VWC2L: variants seen among roughly 807,000 people sequenced by gnomAD.
VWC2L encodes von Willebrand factor C domain-containing protein 2-like.
VWC2L carries 10 observed loss-of-function variants against 21.6 expected under a neutral mutation model. That is an observed-to-expected ratio of 0.46 (90% CI 0.29 to 0.78). VWC2L has a LOEUF of 0.78. Among genes scored for constraint, VWC2L ranks in the 30% least tolerant of loss-of-function variants. VWC2L has a pLI of 0.10. For missense variants in VWC2L, 209 were observed against 277.1 expected (o/e 0.75, Z 1.74); for synonymous variants, 96 against 94.3 (o/e 1.02, Z -0.10).
At chr2:214,466,059 C>T (rs1357248643) in intron 3 of VWC2L, among the ~76,000 whole-genome samples, 1 of 152,154 alleles carries the variant, frequency 6.6e-6, no homozygotes, top group Non-Finnish European at 1.5e-5. Context: ...TCTTCAGTGT[C>T]TCTTTCCTTG....
At chr2:214,475,569 G>A (rs1428971389) in intron 3 of VWC2L, among the ~76,000 whole-genome samples, 1 of 152,076 alleles carries the variant, frequency 6.6e-6, no homozygotes, top group Non-Finnish European at 1.5e-5. Context: ...GAGAGATTAT[G>A]GTGAAGACTA....
At chr2:214,442,506 G>A (rs1702775774) in intron 3 of VWC2L, among the ~76,000 whole-genome samples, 1 of 152,024 alleles carries the variant, frequency 6.6e-6, no homozygotes, top group Admixed American at 6.5e-5. Context: ...ATTGATAAAA[G>A]TTCTGAAAGA....
At chr2:214,501,721 CA>C (rs776608301) in intron 3 of VWC2L, among the ~76,000 whole-genome samples, 1,568 of 79,076 alleles carry the variant, frequency 0.02, 13 homozygotes, top group African/African-American at 0.064. Context: ...GACTCTGTCT[CA>C]AAAAAAAAAA....
intron 3 of VWC2L, among the ~76,000 whole-genome samples, chr2:214,553,601 T>C (rs1302148986): frequency 6.6e-6 from 1 of 152,126 alleles, no homozygotes; most frequent in Admixed American, 6.5e-5. Flanking sequence ...TCAGAGAGAA[T>C]AGATTGTAAA....
chr2:214,552,432 C>A (rs1039701901), intron 3 of VWC2L, among the ~76,000 whole-genome samples: 36 of 152,154 alleles, frequency 2.4e-4, no homozygotes, highest in African/African-American at 8.2e-4. Context: ...CCAATTTTAT[C>A]CCCACAATGA....
intron 3 of VWC2L, among the ~76,000 whole-genome samples, chr2:214,514,218 A>C (rs1256741267): frequency 6.6e-6 from 1 of 151,556 alleles, no homozygotes; most frequent in Admixed American, 6.6e-5. Context: ...TAGTCTCCCA[A>C]CTAAAATCAT....
At chr2:214,561,399 A>G (rs1689968291) in intron 3 of VWC2L, among the ~76,000 whole-genome samples, 1 of 152,186 alleles carries the variant, frequency 6.6e-6, no homozygotes, top group African/African-American at 2.4e-5. Context: ...TAGTAGAAAT[A>G]CTATGTGAGC....
chr2:214,533,035 T>C (rs1483492422), intron 3 of VWC2L, among the ~76,000 whole-genome samples: 1 of 151,880 alleles, frequency 6.6e-6, no homozygotes, highest in African/African-American at 2.4e-5. Flanking sequence ...ACTTCTTTTA[T>C]AGACTGAAAC....
chr2:214,522,673 T>C (rs575200755), intron 3 of VWC2L, among the ~76,000 whole-genome samples: 1 of 152,276 alleles, frequency 6.6e-6, no homozygotes, highest in Non-Finnish European at 1.5e-5. Flanking sequence ...GTCATTATAA[T>C]ATGTCTTTTG....
rs187415484 is a variant in VWC2L, at chr2:214,513,239, A to C, written c.521-62433A>C. 1.4e-4 allele frequency among the ~76,000 whole-genome samples: 22 copies of C among 152,238 alleles called. No homozygotes were observed. In the East Asian group the frequency reaches 4.1e-3, roughly 28 times the overall value. ...GAATGTCTCCTCAATCATTTCATGC[A>C]CTAGACCTTTCCCCTGACCTTCAAA... On this transcript the variant is annotated intron_variant, in intron 3 of 3. Coordinates refer to ENST00000312504, the MANE Select transcript of VWC2L (RefSeq NM_001080500.4).
chr2:214,439,425 A>G (rs1306777899), intron 3 of VWC2L, among the ~76,000 whole-genome samples: 2 of 151,984 alleles, frequency 1.3e-5, no homozygotes, highest in African/African-American at 4.8e-5. Context: ...TATGTCATAG[A>G]TTTTTAAAAA....
At chr2:214,471,932 C>T (rs1703315088) in intron 3 of VWC2L, among the ~76,000 whole-genome samples, 1 of 152,184 alleles carries the variant, frequency 6.6e-6, no homozygotes, top group African/African-American at 2.4e-5. Flanking sequence ...AGGGCACCTG[C>T]CTTTAGGCCT....
chr2:214,486,993 T>G (rs1295176620), intron 3 of VWC2L, among the ~76,000 whole-genome samples: 1 of 152,198 alleles, frequency 6.6e-6, no homozygotes, highest in Non-Finnish European at 1.5e-5. Context: ...CATGTTTAAA[T>G]GAAGTCATTA....
chr2:214,454,536 T>G (rs11685978), intron 3 of VWC2L, among the ~76,000 whole-genome samples: 23,305 of 149,626 alleles, frequency 0.16, 1,940 homozygotes, highest in East Asian at 0.26. Flanking sequence ...GTGTGTCTCT[T>G]GAGATAATCA....
At chr2:214,426,375 C>T (rs183334450) in intron 2 of VWC2L, among the ~76,000 whole-genome samples, 1 of 151,952 alleles carries the variant, frequency 6.6e-6, no homozygotes, top group East Asian at 1.9e-4. Context: ...AAGAGTGAGG[C>T]GGGAGCATGG....
intron 3 of VWC2L, among the ~76,000 whole-genome samples, chr2:214,557,038 T>C (rs543556843): frequency 6.6e-6 from 1 of 152,034 alleles, no homozygotes; most frequent in South Asian, 2.1e-4. Context: ...CAGTGCGGGG[T>C]TGGGGAGAGA....
At chr2:214,568,221 C>G (rs1690098243) in intron 3 of VWC2L, among the ~76,000 whole-genome samples, 2 of 152,152 alleles carry the variant, frequency 1.3e-5, no homozygotes, top group Non-Finnish European at 2.9e-5. Flanking sequence ...GTTTCCCACT[C>G]TGGATCTAGG....
At chr2:214,559,915 T>C (rs917577688) in intron 3 of VWC2L, among the ~76,000 whole-genome samples, 2 of 152,248 alleles carry the variant, frequency 1.3e-5, no homozygotes, top group African/African-American at 4.8e-5. Context: ...TTTTAATATC[T>C]ATTTATACCA....
intron 3 of VWC2L, among the ~76,000 whole-genome samples, chr2:214,542,278 C>T (rs1689640983): frequency 6.6e-6 from 1 of 152,164 alleles, no homozygotes; most frequent in African/African-American, 2.4e-5. Context: ...TGGAAGATGA[C>T]ATAAACACCT....
Sources: allele counts gnomAD v4.1 joint callset (sites outside exome capture counted in the v4.1 genomes callset), GRCh38; gene constraint gnomAD v4.1.1; transcripts MANE v1.5; gene names NCBI Gene and HGNC (gene_info 2026-07-23, HGNC 2026-07-21).